NELL1: variants seen among roughly 807,000 people sequenced by gnomAD.
NELL1 encodes the protein protein kinase C-binding protein NELL1.
In NELL1, 76 loss-of-function variants were observed where a neutral mutation model predicts 107.4. The observed-to-expected ratio is 0.71, with a 90% CI of 0.59 to 0.86. NELL1 has a LOEUF of 0.86. Among genes scored for constraint, NELL1 ranks in the 40% least tolerant of loss-of-function variants. The pLI is 0.00. For missense variants in NELL1, 1,024 were observed against 1,005.5 expected, an observed-to-expected ratio of 1.02 and a Z score of -0.25; for synonymous variants, 353 against 341.2, an observed-to-expected ratio of 1.03 and a Z score of -0.38.
chr11:20,705,083 C>G (rs1564870725), intron 2 of NELL1, among the ~76,000 whole-genome samples: 1 of 152,150 alleles, frequency 6.6e-6, no homozygotes, highest in Non-Finnish European at 1.5e-5. Context: ...AATGGCCATA[C>G]TGCCCAAGGT....
At chr11:21,053,459 C>G (rs1350382236) in intron 12 of NELL1, among the ~76,000 whole-genome samples, 1 of 152,058 alleles carries the variant, frequency 6.6e-6, no homozygotes, top group Non-Finnish European at 1.5e-5. Context: ...CTCAGGATGA[C>G]CCATTTTGAA....
At chr11:21,012,957 G>A (rs892322334) in intron 12 of NELL1, among the ~76,000 whole-genome samples, 3 of 148,326 alleles carry the variant, frequency 2.0e-5, no homozygotes, top group East Asian at 3.9e-4. Context: ...ATCCTGAGCC[G>A]TAATTTCTAA....
At chr11:20,867,564 A>G (rs1413238465) in intron 4 of NELL1, among the ~76,000 whole-genome samples, 2 of 152,294 alleles carry the variant, frequency 1.3e-5, no homozygotes, top group South Asian at 4.1e-4. Flanking sequence ...TTTTCTGGGC[A>G]TCATTTGCAA....
chr11:20,719,884 T>G (rs748216431), intron 2 of NELL1, among the ~76,000 whole-genome samples: 7 of 118,006 alleles, frequency 5.9e-5, no homozygotes, highest in Non-Finnish European at 1.1e-4. Flanking sequence ...CTATCAGGAT[T>G]TAATGGAAAA....
intron 2 of NELL1, among the ~76,000 whole-genome samples, chr11:20,718,056 T>G (rs1237125568): frequency 6.6e-6 from 1 of 152,228 alleles, no homozygotes; most frequent in Non-Finnish European, 1.5e-5. Flanking sequence ...TTTATGTCCT[T>G]ATGTTCATTA....
intron 15 of NELL1, among the ~76,000 whole-genome samples, chr11:21,415,540 T>C (rs1032184720): frequency 3.9e-5 from 6 of 152,048 alleles, no homozygotes; most frequent in African/African-American, 1.4e-4. Flanking sequence ...GTTTCTTGTG[T>C]TTGTTTGTTT....
At chr11:21,378,632 C>T (rs1365948916) in intron 15 of NELL1, among the ~76,000 whole-genome samples, 1 of 151,918 alleles carries the variant, frequency 6.6e-6, no homozygotes, top group Non-Finnish European at 1.5e-5. Context: ...TATACTTATC[C>T]TCTTTCTTAG....
intron 15 of NELL1, among the ~76,000 whole-genome samples, chr11:21,414,070 A>T (rs1852442959): frequency 6.6e-6 from 1 of 152,230 alleles, no homozygotes; most frequent in South Asian, 2.1e-4. Context: ...CTAGGGAGAA[A>T]GGAATTCATG....
chr11:21,173,947 G>A lies in NELL1; in HGVS notation c.1427-55385G>A, dbSNP rs539521539. On this transcript the variant is annotated intron_variant, in intron 13 of 19. Coordinates refer to ENST00000357134, the MANE Select transcript of NELL1 (RefSeq NM_006157.5). Reference sequence around the variant, plus strand: ...AATTATGGCAGTGGCTATATGCTAGGTACTTTTCTAAATGCTTTATATGCA... The same window carrying A: ...AATTATGGCAGTGGCTATATGCTAGATACTTTTCTAAATGCTTTATATGCA... 2.6e-5 allele frequency among the ~76,000 whole-genome samples: 4 copies of A among 151,818 alleles called. No individual in the cohort carries two copies. The South Asian group carries it at 8.3e-4, about 31-fold the overall frequency.
intron 13 of NELL1, among the ~76,000 whole-genome samples, chr11:21,223,754 G>A (rs1857821083): frequency 6.6e-6 from 1 of 151,974 alleles, no homozygotes; most frequent in Admixed American, 6.6e-5. Context: ...AGTTATACAT[G>A]AGTACTACTT....
At chr11:21,526,433 T>TGG (rs1855857530) in intron 15 of NELL1, among the ~76,000 whole-genome samples, 5 of 152,200 alleles carry the variant, frequency 3.3e-5, no homozygotes, top group African/African-American at 1.2e-4. Context: ...GGATCTACCA[T>TGG]TCTGGGGTCT....
At chr11:20,936,859 G>C (rs1486092667) in intron 9 of NELL1, among the ~76,000 whole-genome samples, 1 of 152,122 alleles carries the variant, frequency 6.6e-6, no homozygotes, top group Non-Finnish European at 1.5e-5. Flanking sequence ...AGATATAGAG[G>C]CTCTGAAAGG....
chr11:21,359,108 T>C (rs1487744568), intron 14 of NELL1, among the ~76,000 whole-genome samples: 1 of 152,152 alleles, frequency 6.6e-6, no homozygotes, highest in Admixed American at 6.5e-5. Flanking sequence ...ATGTTGGGTA[T>C]GGGTTTGTCA....
intron 2 of NELL1, among the ~76,000 whole-genome samples, chr11:20,730,459 G>T (rs1398178422): frequency 7.2e-5 from 11 of 152,142 alleles, no homozygotes; most frequent in Admixed American, 5.9e-4. Flanking sequence ...CATTCTCATA[G>T]CAGTCTTCTT....
intron 13 of NELL1, among the ~76,000 whole-genome samples, chr11:21,177,264 C>T (rs1485726525): frequency 6.6e-6 from 1 of 151,614 alleles, no homozygotes; most frequent in South Asian, 2.1e-4. Flanking sequence ...TTCTATCTAC[C>T]CCCTGCCATC....
intron 17 of NELL1, among the ~76,000 whole-genome samples, chr11:21,564,971 G>A (rs1390600979): frequency 1.3e-5 from 2 of 151,908 alleles, no homozygotes; most frequent in Admixed American, 6.6e-5. Context: ...TCCACAAGGA[G>A]CAGTCAGCAT....
intron 4 of NELL1, among the ~76,000 whole-genome samples, chr11:20,863,976 C>T (rs897928029): frequency 2.6e-5 from 4 of 152,066 alleles, no homozygotes; most frequent in African/African-American, 9.7e-5. Flanking sequence ...GGCGTGGCGG[C>T]GCGCGCCTGC....
chr11:20,985,208 T>C (rs1012622108), intron 12 of NELL1, among the ~76,000 whole-genome samples: 4 of 152,150 alleles, frequency 2.6e-5, no homozygotes, highest in Non-Finnish European at 5.9e-5. Context: ...TTTACAAGAA[T>C]ATGCAAGTAC....
chr11:21,108,228 G>T (rs1855016668), intron 12 of NELL1, among the ~76,000 whole-genome samples: 1 of 152,066 alleles, frequency 6.6e-6, no homozygotes, highest in Non-Finnish European at 1.5e-5. Flanking sequence ...TTTATTAAGA[G>T]AATTCTTTGC....
Sources: gnomAD v4.1 joint callset for allele counts (sites outside exome capture counted in the v4.1 genomes callset) on GRCh38, gnomAD v4.1.1 for gene constraint, MANE v1.5 for transcripts, NCBI Gene and HGNC (gene_info 2026-07-23, HGNC 2026-07-21) for gene names.